EXOC2: variants seen among roughly 807,000 people sequenced by gnomAD.
EXOC2 encodes the protein SEC5-like 1.
A neutral mutation model predicts 131.8 loss-of-function variants in EXOC2; 70 were observed. The ratio of observed to expected loss-of-function variants is 0.53; its 90% CI spans 0.44 to 0.65. The LOEUF (loss-of-function observed/expected upper bound fraction) is 0.65. Ranked by LOEUF, EXOC2 falls within the 30% of genes least tolerant of loss-of-function variation. The probability of loss-of-function intolerance (pLI) is 0.00; values close to 1 mark genes in which losing one functional copy is unlikely to be tolerated. For synonymous variants in EXOC2, 411 were observed against 398.4 expected, an observed-to-expected ratio of 1.03 and a Z score of -0.38; for missense variants, 923 against 1,108.6, an observed-to-expected ratio of 0.83 and a Z score of 2.38.
At chr6:509,509 T>C (rs944208540) in intron 23 of EXOC2, among the ~76,000 whole-genome samples, 2 of 152,238 alleles carry the variant, frequency 1.3e-5, no homozygotes, top group African/African-American at 4.8e-5. Flanking sequence ...TCAGCTATGA[T>C]AGTCTATTTT....
chr6:549,125 A>C, intron 22 of EXOC2, 50 bp downstream of exon 22: 1 of 1,482,042 alleles, frequency 6.7e-7, no homozygotes, highest in South Asian at 1.1e-5. Context: ...CAGCTTGAAA[A>C]CTGAGCTGGT....
chr6:572,943 A>G (rs1303739050), intron 12 of EXOC2, among the ~76,000 whole-genome samples: 1 of 152,234 alleles, frequency 6.6e-6, no homozygotes. Context: ...AGGGCTACCG[A>G]GAGGAGGTGG....
chr6:620,275 G>GC (rs1761217090), intron 4 of EXOC2, among the ~76,000 whole-genome samples: 1 of 152,144 alleles, frequency 6.6e-6, no homozygotes, highest in Admixed American at 6.6e-5. Context: ...CTTTGCTGGC[G>GC]CCCCCTGCCC....
At chr6:594,674 A>G (rs576327765) in intron 10 of EXOC2, among the ~76,000 whole-genome samples, 16 of 152,204 alleles carry the variant, frequency 1.1e-4, no homozygotes, top group Non-Finnish European at 2.1e-4. Context: ...CCTAATAACA[A>G]AAGACTTTTT....
At chr6:657,009 T>C in intron 1 of EXOC2, 1 of 1,324,264 alleles carries the variant, frequency 7.6e-7, no homozygotes, top group Non-Finnish European at 1.0e-6. Context: ...GCCCTTCCGG[T>C]CCGCTGGGGT....
At chr6:565,730 C>T (rs2985277) in intron 13 of EXOC2, among the ~76,000 whole-genome samples, 145,176 of 152,334 alleles carry the variant, frequency 0.95, 69,276 homozygotes, top group East Asian at 1. Context: ...TATCGGTTAA[C>T]GCATGACAAG....
chr6:567,888 A>C (rs1758063564), intron 13 of EXOC2, among the ~76,000 whole-genome samples: 1 of 152,232 alleles, frequency 6.6e-6, no homozygotes, highest in South Asian at 2.1e-4. Flanking sequence ...TGCCAGGCGT[A>C]ACCCTATGAT....
At chr6:575,438 A>T (rs1235727946) in intron 12 of EXOC2, among the ~76,000 whole-genome samples, 1 of 84,068 alleles carries the variant, frequency 1.2e-5, no homozygotes, top group African/African-American at 3.4e-5. Context: ...AGAGCCTGGC[A>T]TCTCCATCCT....
chr6:566,303 TAAG>T (rs1262704577), intron 13 of EXOC2, among the ~76,000 whole-genome samples: 7 of 152,096 alleles, frequency 4.6e-5, no homozygotes, highest in Non-Finnish European at 7.4e-5. Context: ...AGGCCTACAT[TAAG>T]AAGAAGGAAT....
chr6:510,990 C>G (rs1764813217), intron 23 of EXOC2, among the ~76,000 whole-genome samples: 1 of 152,248 alleles, frequency 6.6e-6, no homozygotes, highest in Non-Finnish European at 1.5e-5. Flanking sequence ...TTGATTTTCA[C>G]AATTTCAAGA....
intron 13 of EXOC2, 136 bp from the exon 14 acceptor site, chr6:565,065 G>T: frequency 3.3e-6 from 2 of 601,616 alleles, no homozygotes; most frequent in Non-Finnish European, 5.2e-6. Flanking sequence ...CATAATCTAT[G>T]TTTCTGATTA....
intron 7 of EXOC2, among the ~76,000 whole-genome samples, chr6:608,406 G>A (rs1447153848): frequency 6.6e-6 from 1 of 152,184 alleles, no homozygotes; most frequent in Non-Finnish European, 1.5e-5. Context: ...AGAAAAGGGG[G>A]AATTGTTATA....
intron 1 of EXOC2, among the ~76,000 whole-genome samples, chr6:668,329 G>T (rs773809097): frequency 2.0e-5 from 3 of 152,116 alleles, no homozygotes; most frequent in Non-Finnish European, 4.4e-5. Flanking sequence ...TCTGGGTGAC[G>T]CATGCTTTCT....
At chr6:572,429 T>G in intron 13 of EXOC2, 91 bp downstream of exon 13, 1 of 1,481,010 alleles carries the variant, frequency 6.8e-7, no homozygotes, top group South Asian at 1.4e-5. Flanking sequence ...GTTGGGCCTC[T>G]ACATTTTAAA....
chr6:588,492 A>G (rs1278836803), intron 11 of EXOC2, among the ~76,000 whole-genome samples: 1 of 152,130 alleles, frequency 6.6e-6, no homozygotes, highest in Non-Finnish European at 1.5e-5. Context: ...AGCTGGGCCT[A>G]TACCTGGCTA....
At chr6:656,229 A>C in intron 1 of EXOC2, 1 of 1,614,196 alleles carries the variant, frequency 6.2e-7, no homozygotes. Flanking sequence ...TCCCTCCAAA[A>C]ACTGCAGAAG....
intron 1 of EXOC2, among the ~76,000 whole-genome samples, chr6:674,051 C>G (rs146833226): frequency 1.4e-4 from 21 of 152,314 alleles, no homozygotes; most frequent in African/African-American, 4.8e-4. Flanking sequence ...GAACTACCAA[C>G]ACTTTCAATC....
intron 12 of EXOC2, among the ~76,000 whole-genome samples, chr6:575,645 T>A (rs1203994564): frequency 6.6e-6 from 1 of 152,218 alleles, no homozygotes; most frequent in African/African-American, 2.4e-5. Context: ...CCTGCAGAAC[T>A]GTGAGCCAAT....
chr6:684,971 G>C (rs1764576690), intron 1 of EXOC2, among the ~76,000 whole-genome samples: 1 of 152,172 alleles, frequency 6.6e-6, no homozygotes. Context: ...TTCTCAGCTA[G>C]AGAAGGCCAG....
Sources: gnomAD v4.1 joint callset for allele counts (sites outside exome capture counted in the v4.1 genomes callset) on GRCh38, gnomAD v4.1.1 for gene constraint, MANE v1.5 for transcripts, NCBI Gene and HGNC (gene_info 2026-07-23, HGNC 2026-07-21) for gene names.